RYR2: variants seen among roughly 807,000 people sequenced by gnomAD.
The protein encoded by RYR2 is cardiac muscle ryanodine receptor-calcium release channel.
In RYR2, 227 loss-of-function variants were observed where a neutral mutation model predicts 601.1. That is an observed-to-expected ratio of 0.38 (90% CI 0.34 to 0.42). The LOEUF (loss-of-function observed/expected upper bound fraction) is 0.42, where lower values mean the gene tolerates loss of function less well. Ranked by LOEUF, RYR2 falls within the 10% of genes least tolerant of loss-of-function variation. The pLI is 1.00. For synonymous variants in RYR2, 2,223 were observed against 2,175.1 expected (o/e 1.02, Z -0.61); for missense variants, 4,646 against 6,156.5 (o/e 0.75, Z 8.21).
intron 100 of RYR2, among the ~76,000 whole-genome samples, chr1:237,811,711 A>G (rs1041567610): frequency 2.6e-5 from 4 of 152,182 alleles, no homozygotes; most frequent in African/African-American, 7.2e-5. Context: ...AGGGGGAAAA[A>G]GCTTTCAACT....
At chr1:237,297,782 G>T (rs1046991855) in intron 2 of RYR2, among the ~76,000 whole-genome samples, 1 of 151,648 alleles carries the variant, frequency 6.6e-6, no homozygotes, top group Admixed American at 6.6e-5. Flanking sequence ...ATGGGGTCTT[G>T]CTCTTTTCCC....
chr1:237,699,570 G>C (rs1057208860), intron 64 of RYR2, among the ~76,000 whole-genome samples: 2 of 152,144 alleles, frequency 1.3e-5, no homozygotes, highest in African/African-American at 4.8e-5. Context: ...CATACATTTA[G>C]TTTATATCTA....
chr1:237,602,153 A>G (rs772649889), intron 35 of RYR2, 42 bp downstream of exon 35: 17 of 1,444,912 alleles, frequency 1.2e-5, no homozygotes, highest in Non-Finnish European at 1.6e-5. Context: ...TATTTTTTCT[A>G]TTAGGATATA....
intron 17 of RYR2, among the ~76,000 whole-genome samples, chr1:237,476,961 T>G (rs1414648436): frequency 6.6e-6 from 1 of 152,204 alleles, no homozygotes; most frequent in Non-Finnish European, 1.5e-5. Context: ...TTTTTTCTGA[T>G]TTTATTTTCC....
rs1274610381 is a variant in RYR2 at position 237,669,274 on chromosome 1, T to C, written c.8590+1316T>C. On this transcript the variant is annotated intron_variant, in intron 58 of 104. Coordinates refer to ENST00000366574, the MANE Select transcript of RYR2 (RefSeq NM_001035.3). ...AAAATGAAAAGTCTCCCATGTATAC[T>C]TCTTTCTACACAGACACGGCAACCA... Among the ~76,000 whole-genome samples the C allele has an allele frequency of 2.0e-5, 3 of 152,264 alleles. No homozygotes were observed. The East Asian group carries it at 5.8e-4, about 29-fold the overall frequency.
chr1:237,138,371 A>T (rs1462198046), intron 1 of RYR2, among the ~76,000 whole-genome samples: 1 of 152,098 alleles, frequency 6.6e-6, no homozygotes, highest in Non-Finnish European at 1.5e-5. Context: ...GTGTTTTATT[A>T]CTGATTTTGT....
chr1:237,746,364 T>C (rs912188181), intron 80 of RYR2, among the ~76,000 whole-genome samples: 2 of 152,190 alleles, frequency 1.3e-5, no homozygotes, highest in African/African-American at 4.8e-5. Context: ...TAGTTTCTAT[T>C]TAAATTCTTT....
chr1:237,242,520 C>T (rs937159713), intron 1 of RYR2, among the ~76,000 whole-genome samples: 1 of 151,924 alleles, frequency 6.6e-6, no homozygotes, highest in Non-Finnish European at 1.5e-5. Flanking sequence ...GAAGTAGATA[C>T]TTTTGAGCCA....
rs1267389337 is a variant in RYR2, at chr1:237,614,399, C to A, written c.5271C>A (p.Leu1757=). Reference sequence around the variant, plus strand: ...CAGGGATCGGCCTCAGCACCTCCCTCAGGCCACGGATGCAGTTTTCCTCCC... The same window carrying A: ...CAGGGATCGGCCTCAGCACCTCCCTAAGGCCACGGATGCAGTTTTCCTCCC... ...GLPGIGLSTS[L]RPRMQFSSPS... The change falls in exon 37 of 105, where the codon CTC becomes CTA. Residue 1757 remains leucine (L), a synonymous_variant. Transcript: ENST00000366574. This position sits in a 1 kb window ranked among gnomAD's most constrained non-coding sequence, Gnocchi z 4.3. 1 of 1,613,922 alleles carries A rather than the reference C, an allele frequency of 6.2e-7. No homozygotes were observed. The highest frequency in any genetic ancestry group is 8.5e-7 in the Non-Finnish European group (1 of 1,179,912).
intron 6 of RYR2, among the ~76,000 whole-genome samples, chr1:237,371,791 G>A (rs888471636): frequency 2.6e-5 from 4 of 152,144 alleles, no homozygotes; most frequent in East Asian, 1.9e-4. Context: ...GCAAACTATC[G>A]CAAGGACAAA....
chr1:237,623,684 GC>G, intron 38 of RYR2, 80 bp from the exon 39 acceptor site: 1 of 861,292 alleles, frequency 1.2e-6, no homozygotes, highest in Non-Finnish European at 1.9e-6. Flanking sequence ...GAGCCACTCC[GC>G]CCGGCCCTGC....
chr1:237,081,491 C>T (rs948982322), intron 1 of RYR2, among the ~76,000 whole-genome samples: 1 of 115,566 alleles, frequency 8.7e-6, no homozygotes, highest in East Asian at 2.2e-4. Flanking sequence ...TATGTATATA[C>T]ATATATAAAT....
chr1:237,708,954 T>C lies in RYR2; in HGVS notation c.9998T>C (p.Val3333Ala). Reference protein sequence around the residue: ...MEKLKKKAATVVSEEDHLKAE... With the variant: ...MEKLKKKAATAVSEEDHLKAE... Reference sequence around the variant, plus strand: ...AAACTCAAGAAAAAGGCAGCTACGGTGGTGTCTGAGGAAGACCACCTGAAA... The same window carrying C: ...AAACTCAAGAAAAAGGCAGCTACGGCGGTGTCTGAGGAAGACCACCTGAAA... Residue 3333 changes from valine to alanine, a missense_variant, in exon 69 of 105, where the codon GTG becomes GCG. Physicochemically the swap from Val to Ala is moderately conservative, Grantham distance 64. Coordinates refer to ENST00000366574, the MANE Select transcript of RYR2 (RefSeq NM_001035.3). 2 of 1,613,630 alleles carry C rather than the reference T, an allele frequency of 1.2e-6. No homozygotes were observed. The highest frequency in any genetic ancestry group is 2.2e-5 in the South Asian group (2 of 91,040).
At chr1:237,221,098 A>C (rs1408347684) in intron 1 of RYR2, among the ~76,000 whole-genome samples, 1 of 152,150 alleles carries the variant, frequency 6.6e-6, no homozygotes, top group Non-Finnish European at 1.5e-5. Context: ...TCTGTCTCAA[A>C]AAAACCCCCC....
intron 25 of RYR2, among the ~76,000 whole-genome samples, chr1:237,535,801 C>T (rs1668557577): frequency 6.6e-6 from 1 of 152,034 alleles, no homozygotes; most frequent in Non-Finnish European, 1.5e-5. Context: ...AAAATGTATC[C>T]ATTAAATTGA....
At chr1:237,574,166 G>T (rs897341057) in intron 29 of RYR2, among the ~76,000 whole-genome samples, 1 of 152,158 alleles carries the variant, frequency 6.6e-6, no homozygotes, top group Non-Finnish European at 1.5e-5. Context: ...GAAGGCAAAA[G>T]GATTCCTTCA....
intron 99 of RYR2, 124 bp downstream of exon 99, chr1:237,806,407 T>TG (rs1450752395): frequency 1.1e-6 from 1 of 905,170 alleles, no homozygotes; most frequent in Non-Finnish European, 1.7e-6. Context: ...AGGGAGGGTC[T>TG]GCACCTGTTC....
rs916665691 is a variant in RYR2, at chr1:237,180,827, A to C, written c.49-89670A>C. 1.1e-4 allele frequency among the ~76,000 whole-genome samples: 17 copies of C among 147,900 alleles called. No homozygotes were observed. The highest frequency in any genetic ancestry group is 4.2e-4 in the African/African-American group (17 of 40,696). Reference sequence around the variant, plus strand: ...ATAATTACTAATTTCAATCATGTAAATATATATCAATATTAATAAAGTATA... The same window carrying C: ...ATAATTACTAATTTCAATCATGTAACTATATATCAATATTAATAAAGTATA... On this transcript the variant is annotated intron_variant, in intron 1 of 104. Transcript: ENST00000366574. The surrounding 1 kb of genome is among the most constrained non-coding windows in gnomAD (Gnocchi z 5.3).
chr1:237,607,056 T>C (rs995017653), intron 35 of RYR2, among the ~76,000 whole-genome samples: 1 of 152,250 alleles, frequency 6.6e-6, no homozygotes, highest in Non-Finnish European at 1.5e-5. Context: ...CCATTTGACC[T>C]AGCCATCCCA....
Sources: gnomAD v4.1 joint callset for allele counts (sites outside exome capture counted in the v4.1 genomes callset) on GRCh38, gnomAD v4.1.1 for gene constraint, Gnocchi (gnomAD v3.1) non-coding constraint, MANE v1.5 for transcripts, NCBI Gene and HGNC (gene_info 2026-07-23, HGNC 2026-07-21) for gene names.